The following RHOBTB1 variants were observed in gnomAD, a reference collection of about 807,000 sequenced individuals.
The protein encoded by RHOBTB1 is rho-related BTB domain-containing protein 1.
A neutral mutation model predicts 71.6 loss-of-function variants in RHOBTB1; 40 were observed. The observed-to-expected ratio is 0.56, with a 90% CI of 0.43 to 0.73. The LOEUF is 0.73. Among genes scored for constraint, RHOBTB1 ranks in the 30% least tolerant of loss-of-function variants. RHOBTB1 has a pLI of 0.00. For synonymous variants in RHOBTB1, 319 were observed against 334.9 expected (o/e 0.95, Z 0.52); for missense variants, 797 against 894.0 (o/e 0.89, Z 1.38).
chr10:60,985,095 A>T (rs2134859511), intron 2 of RHOBTB1, among the ~76,000 whole-genome samples: 1 of 152,332 alleles, frequency 6.6e-6, no homozygotes, highest in East Asian at 1.9e-4. Context: ...ATTCTTTGGA[A>T]TAAATGAAAT....
upstream of RHOBTB1, among the ~76,000 whole-genome samples, chr10:60,944,537 G>A (rs866082196): frequency 6.6e-6 from 1 of 152,124 alleles, no homozygotes; most frequent in African/African-American, 2.4e-5. Context: ...CTGCCGGGAG[G>A]GGAGAGTCTG....
At chr10:60,935,903 T>C (rs1021938333) in intron 2 of RHOBTB1, among the ~76,000 whole-genome samples, 16 of 152,192 alleles carry the variant, frequency 1.1e-4, no homozygotes, top group African/African-American at 3.9e-4. Context: ...CATCAGTAGC[T>C]TGAAATTGGC....
At position 60,888,834 on chromosome 10, in the gene RHOBTB1, G is replaced by A. The variant is rs969261040; in HGVS notation, c.834C>T (p.Ile278=). The change falls in exon 6 of 11, where the codon ATC becomes ATT. Residue 278 remains isoleucine (I), a synonymous_variant. Transcript: ENST00000337910. ...TAGCGAGGTAAATTCGATGTGCAAA[G>A]ATGTGTTCCTGGTCCTGAAGGATGA... ...VLFILQDQEH[I]FAHRIYLATS... 2.5e-6 allele frequency: 4 copies of A among 1,614,106 alleles called. No homozygotes were observed. The highest frequency in any genetic ancestry group is 2.5e-6 in the Non-Finnish European group (3 of 1,180,046).
rs560977487 is a variant in RHOBTB1, at chr10:60,872,157, G to A, written c.1921+28C>T. ...CTTCCATGAGAGGTGAGGAGAGCTG[G>A]ATGAATGGGGGCCTCACACAGTCTC... is the stretch of plus-strand genomic sequence containing the variant. On this transcript the variant is annotated intron_variant, in intron 10 of 10. Transcript: ENST00000337910. 1.2e-4 allele frequency: 186 copies of A among 1,489,706 alleles called. 4 individuals carry two copies. In the South Asian group the frequency reaches 2.0e-3, roughly 16 times the overall value. 92.3% of individuals were successfully genotyped at this position (1,489,706 alleles called of 1,614,324 possible).
chr10:60,917,456 A>T (rs183700179), intron 2 of RHOBTB1, among the ~76,000 whole-genome samples: 1 of 152,342 alleles, frequency 6.6e-6, no homozygotes, highest in African/African-American at 2.4e-5. Flanking sequence ...TTCATTTCTC[A>T]CAGTTCTGGA....
downstream of RHOBTB1, among the ~76,000 whole-genome samples, chr10:60,867,048 T>C (rs571731879): frequency 6.6e-6 from 1 of 152,282 alleles, no homozygotes; most frequent in Admixed American, 6.5e-5. Context: ...TAAGCACTTA[T>C]TATGTCCAAG....
Position 60,898,591 on chromosome 10 carries a change from C to T in RHOBTB1, c.297-5596G>A, listed in dbSNP as rs145534463. Among the ~76,000 whole-genome samples the T allele has an allele frequency of 1.3e-3, 196 of 152,186 alleles. 3 individuals are homozygous for T. In the East Asian group the frequency reaches 0.032, roughly 25 times the overall value. ...GAGGATGGAGAGGCCTGTAGGGGAG[C>T]GCCTGGCAGGGGATCTGGGGATAGC... On this transcript the variant is annotated intron_variant, in intron 4 of 10. Coordinates refer to ENST00000337910, the MANE Select transcript of RHOBTB1 (RefSeq NM_014836.5).
chr10:60,882,218 A>G (rs572803558), intron 7 of RHOBTB1, among the ~76,000 whole-genome samples: 4 of 149,902 alleles, frequency 2.7e-5, no homozygotes, highest in Admixed American at 6.7e-5. Flanking sequence ...AAAAAAAAAG[A>G]GTGATCAAAG....
At chr10:60,994,901 T>C (rs2086995472) in intron 1 of RHOBTB1, among the ~76,000 whole-genome samples, 1 of 151,278 alleles carries the variant, frequency 6.6e-6, no homozygotes, top group Middle Eastern at 3.4e-3. Flanking sequence ...CCTGTCACAG[T>C]TGAAGATAGA....
intron 9 of RHOBTB1, among the ~76,000 whole-genome samples, chr10:60,872,597 A>G (rs2080850902): frequency 6.6e-6 from 1 of 151,440 alleles, no homozygotes; most frequent in South Asian, 2.1e-4. Context: ...GTGCTAAACA[A>G]CCGTGGCCTC....
At chr10:60,973,369 C>T (rs1001572914) in intron 2 of RHOBTB1, among the ~76,000 whole-genome samples, 2 of 152,174 alleles carry the variant, frequency 1.3e-5, no homozygotes, top group South Asian at 2.1e-4. Flanking sequence ...TTCAAAACAG[C>T]ATCCAAGAGA....
In RHOBTB1 at chr10:60,892,902, G is replaced by A; in HGVS notation, c.390C>T (p.Cys130=). Residue 130 remains cysteine, a synonymous_variant, in exon 5 of 11, where the codon TGC becomes TGT. Transcript: ENST00000337910. ...SMWYPEIKHF[C]PRTPVILVGC... ...CAACAAGGATAACGGGTGTTCGAGGGCAAAAGTGCTTGATTTCTGGATACC... is the reference window on the plus strand; with the variant it reads ...CAACAAGGATAACGGGTGTTCGAGGACAAAAGTGCTTGATTTCTGGATACC... The A allele has an allele frequency of 6.2e-7, 1 of 1,614,044 alleles. No individual in the cohort carries two copies.
chr10:60,878,849 G>T (rs2132339288), intron 7 of RHOBTB1, among the ~76,000 whole-genome samples: 1 of 152,340 alleles, frequency 6.6e-6, no homozygotes, highest in Non-Finnish European at 1.5e-5. Context: ...ATGGATTAAT[G>T]GAGATGTACA....
intron 2 of RHOBTB1, among the ~76,000 whole-genome samples, chr10:60,961,621 C>T (rs997004147): frequency 1.3e-5 from 2 of 152,090 alleles, no homozygotes; most frequent in Admixed American, 1.3e-4. Context: ...AGAAGCTCCC[C>T]CATCCTCTCA....
downstream of RHOBTB1, among the ~76,000 whole-genome samples, chr10:60,867,957 G>A (rs1158273994): frequency 6.6e-6 from 1 of 152,162 alleles, no homozygotes; most frequent in Non-Finnish European, 1.5e-5. Flanking sequence ...GTAATCTCTC[G>A]ACTTAAGTTA....
downstream of RHOBTB1, among the ~76,000 whole-genome samples, chr10:60,867,603 C>T (rs2080641863): frequency 6.6e-6 from 1 of 152,190 alleles, no homozygotes; most frequent in African/African-American, 2.4e-5. Context: ...CAAGAGTTAT[C>T]TGTTCATAAA....
chr10:60,894,895 T>A (rs2082089323), intron 4 of RHOBTB1, among the ~76,000 whole-genome samples: 2 of 152,228 alleles, frequency 1.3e-5, no homozygotes, highest in South Asian at 4.1e-4. Context: ...TAGCTAAATG[T>A]CAATTCTGTT....
At chr10:60,913,995 G>A (rs2083134436) in intron 2 of RHOBTB1, among the ~76,000 whole-genome samples, 1 of 152,132 alleles carries the variant, frequency 6.6e-6, no homozygotes, top group South Asian at 2.1e-4. Context: ...GAAGACGAAT[G>A]TCTTCAGATG....
At chr10:60,956,660 A>G (rs917989426) in intron 2 of RHOBTB1, among the ~76,000 whole-genome samples, 8 of 150,176 alleles carry the variant, frequency 5.3e-5, no homozygotes, top group South Asian at 2.1e-4. Flanking sequence ...TACTTTTTAG[A>G]CTTTTTTTTT....
Sources: gnomAD v4.1 joint callset for allele counts (sites outside exome capture counted in the v4.1 genomes callset) on GRCh38, gnomAD v4.1.1 for gene constraint, MANE v1.5 for transcripts, NCBI Gene and HGNC (gene_info 2026-07-23, HGNC 2026-07-21) for gene names.